Variants in DNAJA3 observed in about 807,000 individuals in gnomAD.
DNAJA3 encodes DnaJ heat shock protein family (Hsp40) member A3.
Under a neutral mutation model 54.9 loss-of-function variants are expected in DNAJA3, and 29 were observed. The observed-to-expected ratio is 0.53, with a 90% CI of 0.39 to 0.72. The LOEUF is 0.72. DNAJA3 is among the 30% of genes least tolerant of loss of function. The pLI is 0.00. For synonymous variants in DNAJA3, 302 were observed against 251.4 expected, an observed-to-expected ratio of 1.20 and a Z score of -1.90; for missense variants, 708 against 639.4, an observed-to-expected ratio of 1.11 and a Z score of -1.16.
At chr16:4,446,220 C>G (rs2056900351) in intron 7 of DNAJA3, among the ~76,000 whole-genome samples, 1 of 148,948 alleles carries the variant, frequency 6.7e-6, no homozygotes, top group African/African-American at 2.5e-5. Context: ...CACGGCTGGC[C>G]TATACTTTCT....
At chr16:4,434,303 T>C (rs1015816589) in intron 1 of DNAJA3, 81 bp from the exon 2 acceptor site, 26 of 1,487,674 alleles carry the variant, frequency 1.7e-5, no homozygotes, top group South Asian at 8.3e-5. Context: ...TTCACAGATA[T>C]AGCCTGGTGG....
rs745607149 is a variant in DNAJA3 at position 4,434,477 on chromosome 16, G to C, written c.305G>C (p.Arg102Pro). Residue 102 changes from arginine to proline, a missense_variant, in exon 2 of 12, where the codon CGA (arginine) becomes CCA (proline). Transcript: ENST00000262375. ...EDYYQILGVPRNASQKEIKKA... is the reference protein window; with the variant it reads ...EDYYQILGVPPNASQKEIKKA... Reference sequence around the variant, plus strand: ...TATTATCAGATATTAGGAGTGCCTCGAAATGCCAGCCAGAAAGAGATCAAG... The same window carrying C: ...TATTATCAGATATTAGGAGTGCCTCCAAATGCCAGCCAGAAAGAGATCAAG... 3.8e-5 allele frequency: 61 copies of C among 1,613,832 alleles called. 1 individual carries two copies. Among genetic ancestry groups the C allele is most frequent in the African/African-American group, 5.3e-5 (4 of 74,874 alleles).
intron 1 of DNAJA3, among the ~76,000 whole-genome samples, chr16:4,429,597 G>A (rs929370624): frequency 1.3e-5 from 2 of 152,170 alleles, no homozygotes; most frequent in East Asian, 3.9e-4. Flanking sequence ...CACTTTGGGA[G>A]GCCTATGCGG....
chr16:4,427,392 A>C (rs1474168004), intron 1 of DNAJA3: 2 of 152,216 alleles, frequency 1.3e-5, no homozygotes, highest in African/African-American at 4.8e-5. Flanking sequence ...TTCCTGTTGC[A>C]ATCCAGTTTG....
chr16:4,447,127 G>C, intron 8 of DNAJA3, 113 bp downstream of exon 8: 1 of 1,280,372 alleles, frequency 7.8e-7, no homozygotes, highest in Non-Finnish European at 1.1e-6. Flanking sequence ...ATGTGGGGGG[G>C]CACTCACAGG....
At chr16:4,427,832 C>G (rs1030133281) in intron 1 of DNAJA3, among the ~76,000 whole-genome samples, 1 of 152,054 alleles carries the variant, frequency 6.6e-6, no homozygotes, top group Non-Finnish European at 1.5e-5. Context: ...CCACACCCAG[C>G]TAGTTTTCTG....
intron 5 of DNAJA3, 114 bp from the exon 6 acceptor site, chr16:4,442,903 A>C (rs575605918): frequency 1.7e-6 from 2 of 1,207,854 alleles, no homozygotes; most frequent in Admixed American, 4.4e-5. Context: ...TTGAGTGCAC[A>C]TGCACATAAA....
chr16:4,447,423 C>T, intron 8 of DNAJA3: 1 of 169,664 alleles, frequency 5.9e-6, no homozygotes. Context: ...TGTCCCCCAC[C>T]TCTCTCTTGA....
intron 11 of DNAJA3, 63 bp from the exon 12 acceptor site, chr16:4,455,483 C>T: frequency 2.0e-6 from 3 of 1,537,136 alleles, no homozygotes; most frequent in African/African-American, 1.4e-5. Flanking sequence ...ACAGACGCTC[C>T]CCACAGGGGT....
chr16:4,427,515 G>A (rs1397028951), intron 1 of DNAJA3: 1 of 152,142 alleles, frequency 6.6e-6, no homozygotes, highest in Non-Finnish European at 1.5e-5. Flanking sequence ...TCTGTGAGCG[G>A]GGTGTATTAT....
chr16:4,432,489 T>C (rs1001711104), intron 1 of DNAJA3, among the ~76,000 whole-genome samples: 3 of 151,530 alleles, frequency 2.0e-5, no homozygotes, highest in Non-Finnish European at 4.4e-5. Flanking sequence ...ATTACAGGCA[T>C]GTACCACCAC....
chr16:4,437,518 G>A (rs570150727), intron 3 of DNAJA3, 33 bp downstream of exon 3: 8 of 1,570,392 alleles, frequency 5.1e-6, no homozygotes, highest in Admixed American at 1.7e-5. Flanking sequence ...GGTCACTGCT[G>A]TTCAGCTATG....
Position 4,434,460 on chromosome 16 carries a change from G to C in DNAJA3, c.288G>C (p.Gln96His). The change falls in exon 2 of 12, where the codon CAG (glutamine) becomes CAC (histidine). Residue 96 changes from glutamine to histidine, a missense_variant. By Grantham distance (24) the Gln-to-His change is conservative. Coordinates refer to ENST00000262375, the MANE Select transcript of DNAJA3 (RefSeq NM_005147.6). ...SAPLAKEDYYQILGVPRNASQ... is the reference protein window; with the variant it reads ...SAPLAKEDYYHILGVPRNASQ... ...CTTTGGCCAAAGAAGATTATTATCA[G>C]ATATTAGGAGTGCCTCGAAATGCCA... is the stretch of plus-strand genomic sequence containing the variant. The C allele has an allele frequency of 6.2e-7, 1 of 1,614,086 alleles. No individual in the cohort carries two copies. Among genetic ancestry groups the C allele is most frequent in the Non-Finnish European group, 8.5e-7 (1 of 1,180,036 alleles).
intron 3 of DNAJA3, among the ~76,000 whole-genome samples, chr16:4,439,141 TGAGACCAGCCTGGCCAA>T (rs908022141): frequency 6.6e-6 from 1 of 151,794 alleles, no homozygotes; most frequent in Non-Finnish European, 1.5e-5. Context: ...GTCAGGAGTT[TGAGACCAGCCTGGCCAA>T]GAGACCAGCC....
chr16:4,426,519 G>T (rs561836748), intron 1 of DNAJA3, among the ~76,000 whole-genome samples: 2 of 152,334 alleles, frequency 1.3e-5, no homozygotes, highest in African/African-American at 4.8e-5. Context: ...ATGAGAAACT[G>T]AGATTCAACG....
chr16:4,450,362 G>A (rs773747946), intron 9 of DNAJA3, 38 bp from the exon 10 acceptor site: 17 of 1,531,766 alleles, frequency 1.1e-5, no homozygotes, highest in South Asian at 4.8e-5. Flanking sequence ...AAAGCTTCCC[G>A]GCGGAAGCCT....
At chr16:4,428,958 G>A (rs1027572801) in intron 1 of DNAJA3, among the ~76,000 whole-genome samples, 6 of 144,184 alleles carry the variant, frequency 4.2e-5, no homozygotes, top group South Asian at 2.2e-4. Flanking sequence ...GCACGATCTC[G>A]GCTCACTGCA....
intron 2 of DNAJA3, among the ~76,000 whole-genome samples, chr16:4,435,911 C>A (rs1038850101): frequency 2.0e-5 from 3 of 152,208 alleles, no homozygotes; most frequent in African/African-American, 7.2e-5. Context: ...TTTTTCAAAG[C>A]AGCTGCACCA....
Position 4,456,231 on chromosome 16 carries a change from G to A in DNAJA3, c.*699G>A, listed in dbSNP as rs4786494. 0.68 allele frequency: 103,214 copies of A among 152,430 alleles called. 35,548 individuals are homozygous for A. The highest frequency in any genetic ancestry group is 0.74 in the Non-Finnish European group (50,284 of 68,264). 9.4% of individuals were successfully genotyped at this position (152,430 alleles called of 1,614,324 possible). On this transcript the variant is annotated 3_prime_UTR_variant, in exon 12 of 12. Coordinates refer to ENST00000262375, the MANE Select transcript of DNAJA3 (RefSeq NM_005147.6). ...TACAGTCCTTGCTCCCACCCCATCC[G>A]GGATGGCCGCCTGTCCCTGACTATT...
Sources: allele counts gnomAD v4.1 joint callset (sites outside exome capture counted in the v4.1 genomes callset), GRCh38; gene constraint gnomAD v4.1.1; transcripts MANE v1.5; gene names NCBI Gene and HGNC (gene_info 2026-07-23, HGNC 2026-07-21).